Variants in GPR158 observed in about 807,000 individuals in gnomAD.
The protein encoded by GPR158 is G protein-coupled receptor 158.
In GPR158, 30 loss-of-function variants were observed where a neutral mutation model predicts 78.2. That is an observed-to-expected ratio of 0.38 (90% CI 0.29 to 0.52). The LOEUF is 0.52. GPR158 is among the 20% of genes least tolerant of loss of function. The pLI is 0.83. For synonymous variants in GPR158, 581 were observed against 591.1 expected (o/e 0.98, Z 0.25); for missense variants, 1,463 against 1,523.5 (o/e 0.96, Z 0.66).
Position 25,221,052 on chromosome 10 carries a change from G to C in GPR158, c.903G>C (p.Arg301Ser). ...TCTTTTTATCCTTTTCTATTTCTAG[G>C]GGTGTCATGAAAGTTGACATAAATC... ...GLQPNLVPEF[R>S]GVMKVDINLQ... is the part of the protein sequence containing the mutation. Residue 301 changes from arginine (R) to serine (S), a missense_variant and splice_region_variant, in exon 2 of 11, where the codon AGG becomes AGC. By Grantham distance (110) the Arg-to-Ser change is moderately radical (BLOSUM62 -1). Coordinates refer to ENST00000376351, the MANE Select transcript of GPR158 (RefSeq NM_020752.3). 7.0e-7 allele frequency: 1 copy of C among 1,433,586 alleles called. No individual in the cohort carries two copies. Among genetic ancestry groups the C allele is most frequent in the South Asian group, 1.2e-5 (1 of 84,968 alleles). 88.8% of individuals were successfully genotyped at this position (1,433,586 alleles called of 1,614,324 possible).
chr10:25,405,332 T>C (rs1478495705), intron 3 of GPR158, among the ~76,000 whole-genome samples: 1 of 151,968 alleles, frequency 6.6e-6, no homozygotes, highest in African/African-American at 2.4e-5. Context: ...ACTGCATTTT[T>C]AATTGCAAAA....
intron 5 of GPR158, among the ~76,000 whole-genome samples, chr10:25,489,979 T>C (rs2987839): frequency 0.46 from 70,061 of 151,986 alleles, 16,825 homozygotes; most frequent in East Asian, 0.8. Context: ...AAAAAGCAGA[T>C]TTATATTTTC....
At chr10:25,370,017 C>G in intron 2 of GPR158, among the ~76,000 whole-genome samples, 1 of 143,586 alleles carries the variant, frequency 7.0e-6, no homozygotes, top group Non-Finnish European at 1.6e-5. Flanking sequence ...GGTGATATCC[C>G]CTTTATCATT....
intron 4 of GPR158, among the ~76,000 whole-genome samples, chr10:25,427,397 C>G (rs1321470796): frequency 6.6e-6 from 1 of 152,018 alleles, no homozygotes; most frequent in East Asian, 1.9e-4. Flanking sequence ...TATACTGTTG[C>G]TAACCTTAAG....
At chr10:25,314,862 CATATATATAT>C (rs67847605) in intron 2 of GPR158, among the ~76,000 whole-genome samples, 12 of 111,422 alleles carry the variant, frequency 1.1e-4, no homozygotes, top group Non-Finnish European at 2.0e-4. Flanking sequence ...CACACACTGT[CATATATATAT>C]ATATATATAT....
intron 1 of GPR158, among the ~76,000 whole-genome samples, chr10:25,178,737 G>T (rs1186711591): frequency 6.6e-6 from 1 of 152,146 alleles, no homozygotes; most frequent in Admixed American, 6.5e-5. Context: ...CCCTTCAAAT[G>T]CTGTATTGAG....
At chr10:25,341,868 C>T (rs1855307887) in intron 2 of GPR158, among the ~76,000 whole-genome samples, 1 of 151,706 alleles carries the variant, frequency 6.6e-6, no homozygotes, top group African/African-American at 2.4e-5. Flanking sequence ...AAAAACAGAG[C>T]AAATGAAAAT....
intron 2 of GPR158, among the ~76,000 whole-genome samples, chr10:25,350,858 G>A (rs58697202): frequency 0.09 from 13,718 of 151,822 alleles, 1,652 homozygotes; most frequent in African/African-American, 0.28. Flanking sequence ...TGCTCATCAC[G>A]GCATTTTTAT....
intron 5 of GPR158, among the ~76,000 whole-genome samples, chr10:25,525,261 C>T (rs1836331918): frequency 6.6e-6 from 1 of 152,188 alleles, no homozygotes. Flanking sequence ...TATGACTCAG[C>T]AATGCCATTC....
At chr10:25,203,072 C>T (rs145516679) in intron 1 of GPR158, among the ~76,000 whole-genome samples, 2,577 of 152,304 alleles carry the variant, frequency 0.017, 35 homozygotes, top group Non-Finnish European at 0.028. Flanking sequence ...AGTGTCTGTT[C>T]ATATCCTTTG....
chr10:25,247,570 G>T (rs1323315830), intron 2 of GPR158, among the ~76,000 whole-genome samples: 58 of 121,292 alleles, frequency 4.8e-4, no homozygotes, highest in African/African-American at 1.7e-3. Flanking sequence ...GCGGTGTTTG[G>T]TTTTTTGTTC....
chr10:25,365,646 A>C (rs1855710422), intron 2 of GPR158, among the ~76,000 whole-genome samples: 1 of 151,760 alleles, frequency 6.6e-6, no homozygotes, highest in Non-Finnish European at 1.5e-5. Flanking sequence ...GATTCTATCA[A>C]ATAAGTCATA....
chr10:25,411,356 C>T (rs143176631), intron 3 of GPR158, among the ~76,000 whole-genome samples: 16 of 152,250 alleles, frequency 1.1e-4, no homozygotes, highest in African/African-American at 3.9e-4. Flanking sequence ...GATGCACCAT[C>T]ATTAGGCAAT....
chr10:25,205,774 A>G (rs1048929310), intron 1 of GPR158, among the ~76,000 whole-genome samples: 6 of 149,874 alleles, frequency 4.0e-5, no homozygotes, highest in Admixed American at 6.6e-5. Context: ...CTCTTTTTCT[A>G]TTGCACTGTG....
chr10:25,469,674 C>G (rs1835469053), intron 5 of GPR158, among the ~76,000 whole-genome samples: 1 of 146,368 alleles, frequency 6.8e-6, no homozygotes, highest in Admixed American at 7.1e-5. Context: ...GTCCCAGCTA[C>G]TTGGGAGGCT....
chr10:25,504,001 G>A (rs956199712), intron 5 of GPR158, among the ~76,000 whole-genome samples: 9 of 150,556 alleles, frequency 6.0e-5, no homozygotes, highest in Non-Finnish European at 1.5e-5. Flanking sequence ...AGCGATTCTC[G>A]TGCCTCAGCC....
intron 2 of GPR158, among the ~76,000 whole-genome samples, chr10:25,325,032 T>C (rs150731873): frequency 0.015 from 2,301 of 151,776 alleles, 67 homozygotes; most frequent in African/African-American, 0.052. Flanking sequence ...TCTGTGGAGA[T>C]GGGGTCTTGC....
intron 2 of GPR158, among the ~76,000 whole-genome samples, chr10:25,394,518 G>A (rs949643274): frequency 5.3e-5 from 8 of 152,132 alleles, no homozygotes; most frequent in African/African-American, 1.4e-4. Context: ...GGTTCTGTAC[G>A]CATTCTTTAT....
chr10:25,526,103 TAAAA>T (rs4017850), intron 5 of GPR158, among the ~76,000 whole-genome samples: 2,872 of 69,120 alleles, frequency 0.042, 142 homozygotes, highest in African/African-American at 0.13. Flanking sequence ...CAATTTTGTC[TAAAA>T]AAAAAAAAAA....
Sources: allele counts gnomAD v4.1 joint callset (sites outside exome capture counted in the v4.1 genomes callset), GRCh38; gene constraint gnomAD v4.1.1; transcripts MANE v1.5; gene names NCBI Gene and HGNC (gene_info 2026-07-23, HGNC 2026-07-21).